SCN11A: variants seen among roughly 807,000 people sequenced by gnomAD.
SCN11A encodes the protein sodium channel protein type 11 subunit alpha.
A neutral mutation model predicts 162.2 loss-of-function variants in SCN11A; 122 were observed. The observed-to-expected ratio is 0.75, with a 90% CI of 0.65 to 0.87. The LOEUF is 0.87. Among genes scored for constraint, SCN11A ranks in the 40% least tolerant of loss-of-function variants. The pLI is 0.00. For missense variants in SCN11A, 2,015 were observed against 2,181.6 expected, an observed-to-expected ratio of 0.92 and a Z score of 1.52; for synonymous variants, 758 against 751.5, an observed-to-expected ratio of 1.01 and a Z score of -0.14.
In SCN11A at chr3:38,847,212, C is replaced by T. The variant is rs1250213813; in HGVS notation, c.4858G>A (p.Glu1620Lys). The T allele has an allele frequency of 6.2e-6, 10 of 1,614,056 alleles. No homozygotes were observed. Among genetic ancestry groups the T allele is most frequent in the Non-Finnish European group, 8.5e-6 (10 of 1,179,942 alleles). ...ATEESEDPLGEDDFDIFYEVW... is the reference protein window; with the variant it reads ...ATEESEDPLGKDDFDIFYEVW... The stretch of plus-strand genomic sequence containing the variant: ...TCATAAAATATGTCAAAGTCATCTT[C>T]ACCCAAAGGGTCCTCACTTTCTTCA... The change falls in exon 30 of 30, where the codon GAA (glutamate) becomes AAA (lysine). Residue 1620 changes from glutamate (E) to lysine (K), a missense_variant. By Grantham distance (56) the Glu-to-Lys change is moderately conservative (BLOSUM62 1). Coordinates refer to ENST00000302328, the MANE Select transcript of SCN11A (RefSeq NM_001349253.2).
intron 7 of SCN11A, among the ~76,000 whole-genome samples, chr3:38,932,959 C>G (rs1355292724): frequency 6.6e-6 from 1 of 152,248 alleles, no homozygotes; most frequent in Non-Finnish European, 1.5e-5. Context: ...AGCAGCCTAA[C>G]TGGGAGGCAC....
intron 2 of SCN11A, among the ~76,000 whole-genome samples, chr3:38,968,216 C>T (rs538062350): frequency 6.6e-6 from 1 of 152,304 alleles, no homozygotes; most frequent in African/African-American, 2.4e-5. Context: ...TCCTAGTACA[C>T]CTGACAGAAA....
In SCN11A at chr3:38,930,807, G is replaced by A. The variant is rs149038629; in HGVS notation, c.489-3876C>T. On this transcript the variant is annotated intron_variant, in intron 7 of 29. Coordinates refer to ENST00000302328, the MANE Select transcript of SCN11A (RefSeq NM_001349253.2). ...CAGCCTCCTCCCACCCCACATTCAC[G>A]TATCCACTGTTCATCCAAAACTTCC... is the stretch of plus-strand genomic sequence containing the variant. Among the ~76,000 whole-genome samples, 15 of 152,118 alleles carry A rather than the reference G, an allele frequency of 9.9e-5. No individual in the cohort carries two copies. In the East Asian group the frequency reaches 2.1e-3, roughly 22 times the overall value.
chr3:38,935,589 C>T (rs1306394338), intron 7 of SCN11A, among the ~76,000 whole-genome samples: 1 of 152,208 alleles, frequency 6.6e-6, no homozygotes, highest in African/African-American at 2.4e-5. Context: ...TCAGAGAATA[C>T]TACAAACACC....
intron 5 of SCN11A, among the ~76,000 whole-genome samples, chr3:38,949,647 T>G (rs1166824898): frequency 3.9e-5 from 6 of 152,176 alleles, no homozygotes; most frequent in Non-Finnish European, 8.8e-5. Flanking sequence ...TGCATTATAG[T>G]GATAAAGTGC....
chr3:38,949,321 T>G (rs1165921375), intron 5 of SCN11A, among the ~76,000 whole-genome samples: 1 of 152,256 alleles, frequency 6.6e-6, no homozygotes, highest in Non-Finnish European at 1.5e-5. Context: ...GCTCAAAGTT[T>G]ACATTCCCTC....
At chr3:38,971,620 T>A (rs1310752917) in intron 2 of SCN11A, among the ~76,000 whole-genome samples, 1 of 152,192 alleles carries the variant, frequency 6.6e-6, no homozygotes, top group Non-Finnish European at 1.5e-5. Context: ...GTTCAAGTCC[T>A]CTTCTTCCAG....
At chr3:38,961,322 G>A (rs2066739078) in intron 2 of SCN11A, among the ~76,000 whole-genome samples, 1 of 152,196 alleles carries the variant, frequency 6.6e-6, no homozygotes, top group Non-Finnish European at 1.5e-5. Flanking sequence ...AAGCAAATGT[G>A]ATAATAGCTC....
intron 3 of SCN11A, among the ~76,000 whole-genome samples, chr3:38,958,128 C>T (rs1462956286): frequency 6.6e-6 from 1 of 152,236 alleles, no homozygotes; most frequent in Non-Finnish European, 1.5e-5. Flanking sequence ...CCCTCCAGCT[C>T]ACTCTCCATC....
intron 9 of SCN11A, among the ~76,000 whole-genome samples, chr3:38,923,157 T>C (rs2066081334): frequency 6.6e-6 from 1 of 152,182 alleles, no homozygotes; most frequent in Admixed American, 6.5e-5. Flanking sequence ...AGACCACCTT[T>C]GGTTCCCCTC....
intron 19 of SCN11A, among the ~76,000 whole-genome samples, chr3:38,891,343 T>C (rs995754970): frequency 2.0e-5 from 3 of 151,902 alleles, no homozygotes; most frequent in African/African-American, 7.3e-5. Context: ...CAACAGAGAC[T>C]GTGCAATCTA....
At chr3:38,932,802 C>CAA (rs1053328235) in intron 7 of SCN11A, among the ~76,000 whole-genome samples, 1 of 152,208 alleles carries the variant, frequency 6.6e-6, no homozygotes, top group Non-Finnish European at 1.5e-5. Context: ...AGGGCACAGA[C>CAA]AAACAAAAAG....
chr3:38,988,341 AGCCTAG>A (rs1329577391), intron 2 of SCN11A, among the ~76,000 whole-genome samples: 2 of 152,008 alleles, frequency 1.3e-5, no homozygotes, highest in East Asian at 3.9e-4. Context: ...TCATTCTCTG[AGCCTAG>A]GCAATTCCAT....
intron 2 of SCN11A, among the ~76,000 whole-genome samples, chr3:39,008,582 A>T (rs2031040446): frequency 6.6e-6 from 1 of 152,158 alleles, no homozygotes; most frequent in Admixed American, 6.5e-5. Flanking sequence ...TTATTAGAAC[A>T]TCCAATGCAT....
chr3:38,909,575 T>C (rs895268450), intron 12 of SCN11A, among the ~76,000 whole-genome samples: 1 of 150,838 alleles, frequency 6.6e-6, no homozygotes, highest in Non-Finnish European at 1.5e-5. Flanking sequence ...AAAATTTTCT[T>C]GAAGTTTCTT....
At chr3:38,933,207 A>G in intron 7 of SCN11A, among the ~76,000 whole-genome samples, 1 of 152,180 alleles carries the variant, frequency 6.6e-6, no homozygotes, top group Non-Finnish European at 1.5e-5. Context: ...GGACACCCAC[A>G]CCAAAAACCC....
intron 2 of SCN11A, among the ~76,000 whole-genome samples, chr3:39,030,922 T>G (rs1329534814): frequency 2.0e-5 from 3 of 152,226 alleles, no homozygotes; most frequent in African/African-American, 4.8e-5. Context: ...GGATTAAGTG[T>G]TAAGTATTTT....
intron 2 of SCN11A, among the ~76,000 whole-genome samples, chr3:38,988,831 C>T (rs1022564519): frequency 6.6e-6 from 1 of 152,176 alleles, no homozygotes; most frequent in Non-Finnish European, 1.5e-5. Flanking sequence ...AAAGCCAAGA[C>T]GGGATTCCAG....
At chr3:38,989,522 CT>C (rs144970472) in intron 2 of SCN11A, among the ~76,000 whole-genome samples, 10,554 of 152,248 alleles carry the variant, frequency 0.069, 1,171 homozygotes, top group African/African-American at 0.23. Flanking sequence ...ACTCTAACTG[CT>C]TTTCAGAATT....
Sources: gnomAD v4.1 joint callset for allele counts (sites outside exome capture counted in the v4.1 genomes callset) on GRCh38, gnomAD v4.1.1 for gene constraint, MANE v1.5 for transcripts, NCBI Gene and HGNC (gene_info 2026-07-23, HGNC 2026-07-21) for gene names.